DCC: variants seen among roughly 807,000 people sequenced by gnomAD.
DCC encodes netrin receptor DCC.
Under a neutral mutation model 172.5 loss-of-function variants are expected in DCC, and 58 were observed. That is an observed-to-expected ratio of 0.34 (90% CI 0.27 to 0.42). The LOEUF is 0.42. DCC is among the 10% of genes least tolerant of loss of function. The probability of loss-of-function intolerance (pLI) is 1.00; values close to 1 mark genes in which losing one functional copy is unlikely to be tolerated. For missense variants in DCC, 1,740 were observed against 1,791.0 expected, an observed-to-expected ratio of 0.97 and a Z score of 0.51; for synonymous variants, 709 against 644.5, an observed-to-expected ratio of 1.10 and a Z score of -1.52.
intron 7 of DCC, among the ~76,000 whole-genome samples, chr18:53,099,964 T>TTTTA (rs2043145276): frequency 7.3e-6 from 1 of 137,460 alleles, no homozygotes. Flanking sequence ...TTTTTTTGTT[T>TTTTA]GAGACAGAGT....
intron 9 of DCC, among the ~76,000 whole-genome samples, chr18:53,184,623 A>C (rs1227693636): frequency 6.6e-6 from 1 of 152,166 alleles, no homozygotes; most frequent in East Asian, 1.9e-4. Context: ...ACATCTGAGC[A>C]TGTCTAAACA....
chr18:53,062,163 G>A (rs2042504261), intron 5 of DCC, among the ~76,000 whole-genome samples: 1 of 152,044 alleles, frequency 6.6e-6, no homozygotes, highest in South Asian at 2.1e-4. Flanking sequence ...GAAAGAGAGA[G>A]ATCATTCAGT....
At chr18:52,792,066 G>A (rs1326407585) in intron 2 of DCC, among the ~76,000 whole-genome samples, 1 of 152,012 alleles carries the variant, frequency 6.6e-6, no homozygotes, top group Non-Finnish European at 1.5e-5. Flanking sequence ...GGGAAGCCAG[G>A]GTGTTTTGAT....
intron 1 of DCC, among the ~76,000 whole-genome samples, chr18:52,607,270 G>A (rs1222120148): frequency 6.6e-6 from 1 of 151,974 alleles, no homozygotes; most frequent in African/African-American, 2.4e-5. Flanking sequence ...CTTTTGCTCT[G>A]GGGCCATTAA....
At chr18:52,841,581 G>A (rs956361555) in intron 2 of DCC, among the ~76,000 whole-genome samples, 5 of 152,176 alleles carry the variant, frequency 3.3e-5, no homozygotes, top group Non-Finnish European at 7.3e-5. Flanking sequence ...TACATGTAGT[G>A]AGAAGTAGTG....
intron 18 of DCC, among the ~76,000 whole-genome samples, chr18:53,398,646 AATACAAGCAAATTCATTC>A (rs1406667064): frequency 8.5e-5 from 13 of 152,276 alleles, no homozygotes; most frequent in African/African-American, 2.9e-4. Flanking sequence ...TTTTCATCTT[AATACAAGCAAATTCATTC>A]ATTTTTTTCC....
intron 1 of DCC, among the ~76,000 whole-genome samples, chr18:52,475,199 T>C (rs1989058653): frequency 6.6e-6 from 1 of 152,126 alleles, no homozygotes; most frequent in African/African-American, 2.4e-5. Flanking sequence ...TAAGCAACTT[T>C]ATGGGGATTT....
intron 8 of DCC, among the ~76,000 whole-genome samples, chr18:53,171,463 A>T (rs2055012303): frequency 6.6e-6 from 1 of 152,186 alleles, no homozygotes; most frequent in African/African-American, 2.4e-5. Flanking sequence ...TGCTTTATTT[A>T]TACTTTATGT....
chr18:52,993,047 CTAGT>C (rs1340726327), intron 5 of DCC, among the ~76,000 whole-genome samples: 2 of 150,842 alleles, frequency 1.3e-5, no homozygotes, highest in East Asian at 1.9e-4. Context: ...GGTGCAATAT[CTAGT>C]TAGAGGACTG....
intron 2 of DCC, among the ~76,000 whole-genome samples, chr18:52,772,779 T>A (rs1222951263): frequency 1.3e-5 from 2 of 152,216 alleles, no homozygotes. Flanking sequence ...GAAGCTGAAA[T>A]TCCCCGAGGA....
At chr18:53,161,801 G>A (rs770814322) in intron 8 of DCC, among the ~76,000 whole-genome samples, 41 of 151,952 alleles carry the variant, frequency 2.7e-4, no homozygotes, top group African/African-American at 6.3e-4. Context: ...TATGAAATCC[G>A]TCATCAACTC....
At chr18:52,614,612 G>C (rs8098159) in intron 1 of DCC, among the ~76,000 whole-genome samples, 9,470 of 152,170 alleles carry the variant, frequency 0.062, 705 homozygotes, top group African/African-American at 0.18. Context: ...AGAACTTGAA[G>C]TTGTGTCTCA....
At chr18:53,077,393 G>A (rs1459435991) in intron 7 of DCC, among the ~76,000 whole-genome samples, 2 of 152,208 alleles carry the variant, frequency 1.3e-5, no homozygotes, top group South Asian at 4.1e-4. Context: ...AGACCAAGCT[G>A]ACCACCTGGT....
chr18:52,435,957 C>A (rs1420247226), intron 1 of DCC, among the ~76,000 whole-genome samples: 1 of 152,210 alleles, frequency 6.6e-6, no homozygotes, highest in Non-Finnish European at 1.5e-5. Flanking sequence ...TCAGATGACC[C>A]ATGGCAACCA....
intron 2 of DCC, among the ~76,000 whole-genome samples, chr18:52,773,211 A>T (rs1166206122): frequency 1.3e-5 from 2 of 152,198 alleles, no homozygotes; most frequent in Non-Finnish European, 2.9e-5. Context: ...GTTAAGATTT[A>T]TTCTTTAAGT....
rs2046541553 is a variant in DCC, at chr18:53,533,259, A to G, written c.*2606A>G. 1 of 152,116 alleles carries G rather than the reference A, an allele frequency of 6.6e-6. No individual in the cohort carries two copies. Among genetic ancestry groups the G allele is most frequent in the Non-Finnish European group, 1.5e-5 (1 of 68,012 alleles). 9.4% of individuals were successfully genotyped at this position (152,116 alleles called of 1,614,324 possible). ...AAGAAGAAACCTGTGAATACTGCAA[A>G]CTAGCCTCTGACTTCCTCCTACTGA... On this transcript the variant is annotated 3_prime_UTR_variant, in exon 29 of 29. Coordinates refer to ENST00000442544, the MANE Select transcript of DCC (RefSeq NM_005215.4).
intron 13 of DCC, among the ~76,000 whole-genome samples, chr18:53,310,417 G>C (rs2057252524): frequency 6.6e-6 from 1 of 152,024 alleles, no homozygotes. Flanking sequence ...AAATATTCAG[G>C]TGTAGATACT....
chr18:53,173,016 A>C (rs2055036503), intron 8 of DCC, among the ~76,000 whole-genome samples: 1 of 152,128 alleles, frequency 6.6e-6, no homozygotes, highest in Non-Finnish European at 1.5e-5. Flanking sequence ...TGGGTATAAA[A>C]ATTCTTCTGC....
intron 2 of DCC, among the ~76,000 whole-genome samples, chr18:52,780,899 A>G (rs966923947): frequency 2.6e-5 from 4 of 152,172 alleles, no homozygotes; most frequent in African/African-American, 9.7e-5. Context: ...TTAGGTGGTG[A>G]AAAGATTGGG....
Sources: gnomAD v4.1 joint callset for allele counts (sites outside exome capture counted in the v4.1 genomes callset) on GRCh38, gnomAD v4.1.1 for gene constraint, MANE v1.5 for transcripts, NCBI Gene and HGNC (gene_info 2026-07-23, HGNC 2026-07-21) for gene names.